PPP2R5C: variants seen among roughly 807,000 people sequenced by gnomAD.
PPP2R5C encodes the protein serine/threonine-protein phosphatase 2A 56 kDa regulatory subunit gamma isoform.
In PPP2R5C, 7 loss-of-function variants were observed where a neutral mutation model predicts 68.9. The observed-to-expected ratio is 0.10, with a 90% CI of 0.06 to 0.19. PPP2R5C has a LOEUF of 0.19. Ranked by LOEUF, PPP2R5C falls within the 10% of genes least tolerant of loss-of-function variation. The pLI, the probability that PPP2R5C is intolerant of heterozygous loss-of-function variation, is 1.00. For synonymous variants in PPP2R5C, 210 were observed against 222.2 expected, an observed-to-expected ratio of 0.95 and a Z score of 0.49; for missense variants, 348 against 641.3, an observed-to-expected ratio of 0.54 and a Z score of 4.94.
intron 2 of PPP2R5C, among the ~76,000 whole-genome samples, chr14:101,858,159 A>G (rs1746587): frequency 0.11 from 17,206 of 152,160 alleles, 1,081 homozygotes; most frequent in African/African-American, 0.16. Context: ...TATATACCCT[A>G]AAACCTTACC....
At chr14:101,866,077 TAG>T (rs1425538737) in intron 2 of PPP2R5C, among the ~76,000 whole-genome samples, 3 of 152,154 alleles carry the variant, frequency 2.0e-5, no homozygotes, top group Non-Finnish European at 2.9e-5. Flanking sequence ...GTATTTTTAA[TAG>T]AGACAGGGTT....
intron 3 of PPP2R5C, chr14:101,789,608 T>C (rs1046116934): frequency 4.6e-5 from 7 of 152,256 alleles, no homozygotes; most frequent in African/African-American, 1.7e-4. Context: ...GAATATTTGC[T>C]TCCGTATTTA....
intron 1 of PPP2R5C, among the ~76,000 whole-genome samples, chr14:101,762,277 G>T (rs2036589362): frequency 6.6e-6 from 1 of 152,128 alleles, no homozygotes; most frequent in African/African-American, 2.4e-5. Context: ...TGCGGCCGCC[G>T]AGGGGGTTCG....
chr14:101,803,848 G>A (rs568545278), intron 3 of PPP2R5C, among the ~76,000 whole-genome samples: 2 of 152,226 alleles, frequency 1.3e-5, no homozygotes, highest in Non-Finnish European at 2.9e-5. Flanking sequence ...ACAAGCACAG[G>A]CAACTAAAGC....
At chr14:101,774,148 T>C (rs953583665) in intron 2 of PPP2R5C, among the ~76,000 whole-genome samples, 1 of 152,222 alleles carries the variant, frequency 6.6e-6, no homozygotes, top group Non-Finnish European at 1.5e-5. Context: ...ATGAAGGGTT[T>C]CTTTGTTCAC....
intron 2 of PPP2R5C, among the ~76,000 whole-genome samples, chr14:101,772,956 G>A (rs559123757): frequency 6.6e-6 from 1 of 152,178 alleles, no homozygotes; most frequent in African/African-American, 2.4e-5. Flanking sequence ...TGTGGCAGAG[G>A]CTGGGCTCTG....
chr14:101,891,973 T>C lies in PPP2R5C; in HGVS notation c.690-1027T>C, dbSNP rs961793872. Among the ~76,000 whole-genome samples, 1 of 152,236 alleles carries C rather than the reference T, an allele frequency of 6.6e-6. No individual in the cohort carries two copies. Among genetic ancestry groups the C allele is most frequent in the Admixed American group, 6.5e-5 (1 of 15,284 alleles). ...TTTTGTTTGTTTTTTGTTTTTGTTT[T>C]TGAGATAGAGTCTCGCTCTGTCACC... On this transcript the variant is annotated intron_variant, in intron 6 of 13. Coordinates refer to ENST00000334743, the Ensembl canonical transcript of PPP2R5C. The surrounding 1 kb of genome is among the most constrained non-coding windows in gnomAD (Gnocchi z 4.9).
chr14:101,787,314 T>C (rs980902227), intron 3 of PPP2R5C, among the ~76,000 whole-genome samples: 2 of 152,180 alleles, frequency 1.3e-5, no homozygotes, highest in Admixed American at 1.3e-4. Flanking sequence ...TATAGCTGTA[T>C]TCCCAGGCTT....
rs116420537 is a variant in PPP2R5C, at chr14:101,783,583, G to A, written c.94-2435G>A. Among the ~76,000 whole-genome samples the A allele has an allele frequency of 4.7e-3, 722 of 152,148 alleles. 4 individuals carry two copies. Among genetic ancestry groups the A allele is most frequent in the African/African-American group, 0.016 (683 of 41,556 alleles). On this transcript the variant is annotated intron_variant, in intron 2 of 14. Coordinates refer to the PPP2R5C transcript ENST00000328724. Reference sequence around the variant, plus strand: ...AGGCCAAGGGCCCCTTTGGAACTGTGCCCGAGGGCTGACTTATTTTCTCAG... The same window carrying A: ...AGGCCAAGGGCCCCTTTGGAACTGTACCCGAGGGCTGACTTATTTTCTCAG...
chr14:101,821,691 G>A lies in PPP2R5C; in HGVS notation c.94+11655G>A, dbSNP rs181711017. On this transcript the variant is annotated intron_variant, in intron 1 of 13. Coordinates refer to ENST00000334743, the Ensembl canonical transcript of PPP2R5C. ...CCTGTATTGTACTGTGTATACATACGTTACGTAAATGCTTAATGTGGTCTC... is the reference window on the plus strand; with the variant it reads ...CCTGTATTGTACTGTGTATACATACATTACGTAAATGCTTAATGTGGTCTC... 1.1e-4 allele frequency among the ~76,000 whole-genome samples: 17 copies of A among 151,976 alleles called. No individual in the cohort carries two copies. In the East Asian group the frequency reaches 3.3e-3, roughly 29 times the overall value.
chr14:101,811,845 G>A (rs1225148584), intron 1 of PPP2R5C, among the ~76,000 whole-genome samples: 1 of 151,896 alleles, frequency 6.6e-6, no homozygotes, highest in Non-Finnish European at 1.5e-5. Flanking sequence ...TTCACGTTGT[G>A]TCTTGAACCA....
chr14:101,815,939 G>C (rs977016600), intron 1 of PPP2R5C, among the ~76,000 whole-genome samples: 1 of 152,210 alleles, frequency 6.6e-6, no homozygotes, highest in Non-Finnish European at 1.5e-5. Context: ...CAAAGTACTG[G>C]GATTGTAGGC....
intron 2 of PPP2R5C, among the ~76,000 whole-genome samples, chr14:101,862,790 A>T (rs2042824319): frequency 6.6e-6 from 1 of 151,226 alleles, no homozygotes; most frequent in South Asian, 2.1e-4. Context: ...TCATAAATAC[A>T]TGTCATTTAC....
At chr14:101,919,574 C>T (rs1334157698) in intron 13 of PPP2R5C, among the ~76,000 whole-genome samples, 1 of 152,136 alleles carries the variant, frequency 6.6e-6, no homozygotes, top group Non-Finnish European at 1.5e-5. Context: ...TTACTGCACA[C>T]AGAAGGAAAT....
intron 6 of PPP2R5C, 93 bp downstream of exon 8, chr14:101,890,389 G>A: frequency 8.0e-7 from 1 of 1,257,096 alleles, no homozygotes. Context: ...TTTAAAGCAA[G>A]GCAGTTTAAA....
chr14:101,872,841 CCATGACCCTTT>C (rs1430694153), intron 2 of PPP2R5C, among the ~76,000 whole-genome samples: 1 of 151,538 alleles, frequency 6.6e-6, no homozygotes, highest in Non-Finnish European at 1.5e-5. Context: ...TTTTTCTGTC[CCATGACCCTTT>C]CTCTCCTTTA....
Position 101,797,673 on chromosome 14 carries a change from T to TA in PPP2R5C, c.259+11501dup, listed in dbSNP as rs571079089. The TA allele has an allele frequency of 6.3e-3, 1,024 of 163,714 alleles. No homozygotes were observed. The highest frequency in any genetic ancestry group is 0.026 in the Middle Eastern group (9 of 342). The allele number at this position is 163,714 out of a possible 1,614,324, so 10.1% of individuals were successfully genotyped here. On this transcript the variant is annotated intron_variant, in intron 3 of 14. Coordinates refer to the PPP2R5C transcript ENST00000328724. The surrounding 1 kb of genome is among the most constrained non-coding windows in gnomAD (Gnocchi z 4.2). ...AAAGGGTGTCGGCAAGTTGGCAAGTTAAAAAAAAAAACAATCAGCATGAAA... is the reference window on the plus strand; with the variant it reads ...AAAGGGTGTCGGCAAGTTGGCAAGTTAAAAAAAAAAAACAATCAGCATGAAA...
At chr14:101,871,220 T>TTTTGG (rs141576378) in intron 2 of PPP2R5C, among the ~76,000 whole-genome samples, 32,316 of 149,528 alleles carry the variant, frequency 0.22, 4,842 homozygotes, top group African/African-American at 0.41. Context: ...TTTTTTTTTG[T>TTTTGG]TTTGGTTTTT....
chr14:101,797,368 G>T lies in PPP2R5C; in HGVS notation c.259+11185G>T. 1 of 446,296 alleles carries T rather than the reference G, an allele frequency of 2.2e-6. No individual in the cohort carries two copies. The highest frequency in any genetic ancestry group is 1.6e-5 in the South Asian group (1 of 63,994). The allele number at this position is 446,296 out of a possible 1,614,324, so 27.6% of individuals were successfully genotyped here. On this transcript the variant is annotated intron_variant, in intron 3 of 14. Coordinates refer to the PPP2R5C transcript ENST00000328724. The surrounding 1 kb of genome is among the most constrained non-coding windows in gnomAD (Gnocchi z 4.2). ...CCACACACATTCAGTCAGTACACGA[G>T]TTAACAGTTGCGTGCTTGTCTGCCT...
Sources: gnomAD v4.1 joint callset for allele counts (sites outside exome capture counted in the v4.1 genomes callset) on GRCh38, gnomAD v4.1.1 for gene constraint, Gnocchi (gnomAD v3.1) non-coding constraint, MANE v1.5 for transcripts, NCBI Gene and HGNC (gene_info 2026-07-23, HGNC 2026-07-21) for gene names.